The following DAP variants were observed in gnomAD, a reference collection of about 807,000 sequenced individuals.
The protein encoded by DAP is death associated protein, also known as death-associated protein 1.
A neutral mutation model predicts 13.8 loss-of-function variants in DAP; 8 were observed. The observed-to-expected ratio is 0.58, with a 90% CI of 0.34 to 1.05. DAP has a LOEUF of 1.05. Ranked by LOEUF, DAP falls within the 50% of genes least tolerant of loss-of-function variation. DAP has a pLI of 0.03. For missense variants in DAP, 106 were observed against 133.2 expected (o/e 0.80, Z 1.01); for synonymous variants, 47 against 47.5 (o/e 0.99, Z 0.04).
At chr5:10,708,387 C>CACACACACATGCAGACACACAT (rs375108235) in intron 2 of DAP, among the ~76,000 whole-genome samples, 3,123 of 151,782 alleles carry the variant, frequency 0.021, 100 homozygotes, top group African/African-American at 0.07. Context: ...GACATACATA[C>CACACACACATGCAGACACACAT]ACACACACAT....
intron 1 of DAP, among the ~76,000 whole-genome samples, chr5:10,759,684 G>A (rs1740289210): frequency 6.6e-6 from 1 of 150,958 alleles, no homozygotes; most frequent in African/African-American, 2.4e-5. Flanking sequence ...CCTATTCATT[G>A]TGCTGGTGCA....
chr5:10,740,480 G>T (rs2126673268), intron 2 of DAP, among the ~76,000 whole-genome samples: 1 of 152,172 alleles, frequency 6.6e-6, no homozygotes, highest in East Asian at 1.9e-4. Flanking sequence ...AACCAAACTT[G>T]GTGCATCACA....
At chr5:10,683,909 C>T (rs542087183) in intron 2 of DAP, among the ~76,000 whole-genome samples, 1 of 152,310 alleles carries the variant, frequency 6.6e-6, no homozygotes, top group East Asian at 1.9e-4. Context: ...TCACAGCAGC[C>T]TCCACCTCCT....
At chr5:10,747,777 C>T (rs1265429753) in intron 2 of DAP, among the ~76,000 whole-genome samples, 1 of 152,214 alleles carries the variant, frequency 6.6e-6, no homozygotes, top group Non-Finnish European at 1.5e-5. Flanking sequence ...GCTGTGTCCA[C>T]CATCAGAAAA....
intron 2 of DAP, among the ~76,000 whole-genome samples, chr5:10,725,115 G>A (rs1350658989): frequency 6.6e-6 from 1 of 152,192 alleles, no homozygotes; most frequent in Non-Finnish European, 1.5e-5. Flanking sequence ...CTTCAGCCGT[G>A]TTTGTTTTGG....
At chr5:10,746,483 C>G (rs767472966) in intron 2 of DAP, among the ~76,000 whole-genome samples, 1 of 152,028 alleles carries the variant, frequency 6.6e-6, no homozygotes, top group African/African-American at 2.4e-5. Context: ...GCACATGCCA[C>G]CACACCTGAC....
intron 2 of DAP, among the ~76,000 whole-genome samples, chr5:10,739,671 T>A (rs1227738344): frequency 1.3e-5 from 2 of 152,178 alleles, no homozygotes; most frequent in Non-Finnish European, 2.9e-5. Context: ...CCTAAGCCAC[T>A]ACAAGTGGGA....
chr5:10,719,460 G>A (rs554554971), intron 2 of DAP, among the ~76,000 whole-genome samples: 5 of 152,224 alleles, frequency 3.3e-5, no homozygotes, highest in African/African-American at 4.8e-5. Flanking sequence ...AGGCCACTAG[G>A]ATTTTGGAGC....
chr5:10,716,878 TG>T (rs1418775542), intron 2 of DAP, among the ~76,000 whole-genome samples: 3 of 152,372 alleles, frequency 2.0e-5, no homozygotes, highest in African/African-American at 7.2e-5. Flanking sequence ...ATATTAAGGA[TG>T]GAGTTCTTTC....
chr5:10,714,112 C>G (rs371876843), intron 2 of DAP, among the ~76,000 whole-genome samples: 2 of 152,168 alleles, frequency 1.3e-5, no homozygotes, highest in Non-Finnish European at 2.9e-5. Flanking sequence ...TATGTTTTGA[C>G]GTAACACAGA....
intron 2 of DAP, among the ~76,000 whole-genome samples, chr5:10,735,241 A>G (rs2126669689): frequency 1.3e-5 from 2 of 152,326 alleles, no homozygotes; most frequent in Middle Eastern, 6.8e-3. Context: ...AAGTGAACAT[A>G]AGCAAAGGGA....
chr5:10,745,287 G>A (rs952348158), intron 2 of DAP, among the ~76,000 whole-genome samples: 6 of 152,336 alleles, frequency 3.9e-5, no homozygotes, highest in Admixed American at 3.3e-4. Flanking sequence ...TGTAAATGCT[G>A]TGTCGAGTTG....
intron 2 of DAP, among the ~76,000 whole-genome samples, chr5:10,693,332 T>C (rs1738354630): frequency 1.3e-5 from 2 of 152,248 alleles, no homozygotes; most frequent in Admixed American, 1.3e-4. Flanking sequence ...TGTCTCCTTT[T>C]CATGTAAATG....
At position 10,690,425 on chromosome 5, in the gene DAP, T is replaced by A. The variant is rs140132850; in HGVS notation, c.153-6854A>T. Among the ~76,000 whole-genome samples the A allele has an allele frequency of 3.4e-3, 519 of 152,288 alleles. 3 individuals are homozygous for A. The highest frequency in any genetic ancestry group is 0.012 in the African/African-American group (506 of 41,550). On this transcript the variant is annotated intron_variant, in intron 2 of 3. Coordinates refer to ENST00000230895, the MANE Select transcript of DAP (RefSeq NM_004394.3). ...ATCACCTTTATCTATTTCCAGAACT[T>A]TTTCATCATTCCCAACAGAAAGTCT...
chr5:10,744,081 G>GTCCC (rs1390714892), intron 2 of DAP, among the ~76,000 whole-genome samples: 6 of 151,914 alleles, frequency 3.9e-5, no homozygotes, highest in Admixed American at 3.9e-4. Context: ...TCTTCCACTT[G>GTCCC]TCCCTTTTCT....
intron 2 of DAP, among the ~76,000 whole-genome samples, chr5:10,734,488 T>G (rs906514525): frequency 2.0e-5 from 3 of 152,192 alleles, no homozygotes; most frequent in Non-Finnish European, 1.5e-5. Context: ...ACCCATATGC[T>G]GTGCCGCTCT....
chr5:10,710,588 T>C (rs1459124594), intron 2 of DAP, among the ~76,000 whole-genome samples: 2 of 152,004 alleles, frequency 1.3e-5, no homozygotes, highest in Admixed American at 6.6e-5. Context: ...CTCTGGAGGG[T>C]GCAGAGGAAG....
At chr5:10,755,141 G>T (rs905764453) in intron 1 of DAP, among the ~76,000 whole-genome samples, 1 of 152,228 alleles carries the variant, frequency 6.6e-6, no homozygotes, top group African/African-American at 2.4e-5. Flanking sequence ...GGAGGCGGAA[G>T]AGTCAGGGCT....
chr5:10,681,271 T>C, intron 3 of DAP, 102 bp from the exon 4 acceptor site: 2 of 862,674 alleles, frequency 2.3e-6, no homozygotes, highest in Non-Finnish European at 1.7e-6. Context: ...TGCGGAAGGA[T>C]AGCAATTGTG....
Sources: gnomAD v4.1 joint callset for allele counts (sites outside exome capture counted in the v4.1 genomes callset) on GRCh38, gnomAD v4.1.1 for gene constraint, MANE v1.5 for transcripts, NCBI Gene and HGNC (gene_info 2026-07-23, HGNC 2026-07-21) for gene names.